JAGN1: variants seen among roughly 807,000 people sequenced by gnomAD.
JAGN1 encodes protein jagunal homolog 1.
Under a neutral mutation model 17.1 loss-of-function variants are expected in JAGN1, and 13 were observed. The observed-to-expected ratio is 0.76, with a 90% CI of 0.49 to 1.21. JAGN1 has a LOEUF of 1.21. Among genes scored for constraint, JAGN1 ranks in the 50% most tolerant of loss-of-function variants. The probability of loss-of-function intolerance (pLI) is 0.00; values close to 1 mark genes in which losing one functional copy is unlikely to be tolerated. For missense variants in JAGN1, 256 were observed against 234.2 expected (o/e 1.09, Z -0.61); for synonymous variants, 111 against 91.0 (o/e 1.22, Z -1.25).
rs79792102 is a variant in JAGN1, at chr3:9,893,650, C to T, written c.*273C>T. ...TTTTTCTTTAAGAATGAGCTTCGTC[C>T]TTGCCTCTACTCGGTCATTCTCCCC... On this transcript the variant is annotated 3_prime_UTR_variant, in exon 2 of 2. Transcript: ENST00000647897. 5 of 427,296 alleles carry T rather than the reference C, an allele frequency of 1.2e-5. No individual in the cohort carries two copies. The Admixed American group carries it at 1.7e-4, about 14-fold the overall frequency. 26.5% of individuals were successfully genotyped at this position (427,296 alleles called of 1,614,324 possible).
At chr3:9,892,116 A>C (rs2082566218) in intron 1 of JAGN1, among the ~76,000 whole-genome samples, 1 of 152,188 alleles carries the variant, frequency 6.6e-6, no homozygotes, top group Admixed American at 6.5e-5. Flanking sequence ...TCCCGGGTTC[A>C]CGCCATTCTC....
At chr3:9,892,875 A>G in intron 1 of JAGN1, 40 bp from the exon 2 acceptor site, 3 of 1,444,078 alleles carry the variant, frequency 2.1e-6, no homozygotes, top group Non-Finnish European at 2.9e-6. Flanking sequence ...GGTGGTAAGA[A>G]AAATTTGAAA....
In JAGN1 at chr3:9,890,634, GGGGGCGCAAATA is replaced by G; in HGVS notation, c.-85_-74del. ...TCTCTTCACGGAGCCGCGCGGCTGC[GGGGGCGCAAATA>G]GGGTCAGTGGGCCGCTTGGCGGTGT... On this transcript the variant is annotated 5_prime_UTR_variant, in exon 1 of 2. Coordinates refer to ENST00000647897, the MANE Select transcript of JAGN1 (RefSeq NM_032492.4). 8.0e-7 allele frequency: 1 copy of G among 1,247,622 alleles called. No homozygotes were observed. The highest frequency in any genetic ancestry group is 1.1e-6 in the Non-Finnish European group (1 of 892,036). 77.3% of individuals were successfully genotyped at this position (1,247,622 alleles called of 1,614,324 possible).
Position 9,890,802 on chromosome 3 carries a change from A to C in JAGN1, c.80A>C (p.Tyr27Ser). Residue 27 changes from tyrosine to serine, a missense_variant, in exon 1 of 2, where the codon TAC becomes TCC. Tyr to Ser is a moderately radical substitution (Grantham distance 144). Coordinates refer to ENST00000647897, the MANE Select transcript of JAGN1 (RefSeq NM_032492.4). Reference sequence around the variant, plus strand: ...CACCGGGAGCGCGTCGCCATGCACTACCAGATGAGGTATGAAGTGAGGCGA... The same window carrying C: ...CACCGGGAGCGCGTCGCCATGCACTCCCAGATGAGGTATGAAGTGAGGCGA... ...FQHRERVAMH[Y>S]QMSVTLKYEI... 1 of 1,606,148 alleles carries C rather than the reference A, an allele frequency of 6.2e-7. No individual in the cohort carries two copies.
intron 1 of JAGN1, among the ~76,000 whole-genome samples, chr3:9,892,459 G>GCCACCATA (rs1277808803): frequency 3.5e-4 from 5 of 14,402 alleles, no homozygotes; most frequent in African/African-American, 9.9e-4. Flanking sequence ...AGAGTTGTGA[G>GCCACCATA]CCCAGCCTCT....
chr3:9,891,545 GT>G (rs201714103), intron 1 of JAGN1, among the ~76,000 whole-genome samples: 125 of 146,936 alleles, frequency 8.5e-4, no homozygotes, highest in African/African-American at 2.1e-3. Flanking sequence ...AGAGATGACT[GT>G]TTTTTTTTTC....
rs2082579570 is a variant in JAGN1 at position 9,893,861 on chromosome 3, G to C, written c.*484G>C. On this transcript the variant is annotated 3_prime_UTR_variant, in exon 2 of 2. Coordinates refer to ENST00000647897, the MANE Select transcript of JAGN1 (RefSeq NM_032492.4). ...GATGGCCCTGCCCACACTGTGCCTTGTGTTTGGGGCTTGATAGAGTGTGAA... is the reference window on the plus strand; with the variant it reads ...GATGGCCCTGCCCACACTGTGCCTTCTGTTTGGGGCTTGATAGAGTGTGAA... 1 of 165,318 alleles carries C rather than the reference G, an allele frequency of 6.0e-6. No homozygotes were observed. Among genetic ancestry groups the C allele is most frequent in the Non-Finnish European group, 1.3e-5 (1 of 74,676 alleles). 10.2% of individuals were successfully genotyped at this position (165,318 alleles called of 1,614,324 possible).
chr3:9,890,989 C>G (rs982122438), intron 1 of JAGN1, among the ~76,000 whole-genome samples, 178 bp downstream of exon 1: 3 of 152,136 alleles, frequency 2.0e-5, no homozygotes, highest in Non-Finnish European at 4.4e-5. Context: ...AGCCCCGTGG[C>G]CCCCGCGAGC....
intron 1 of JAGN1, among the ~76,000 whole-genome samples, chr3:9,892,346 T>TG (rs1004998354): frequency 5.3e-5 from 8 of 150,594 alleles, no homozygotes; most frequent in East Asian, 1.9e-4. Flanking sequence ...TTGTTGTTGT[T>TG]TTTTTTTTTT....
Position 9,893,303 on chromosome 3 carries a change from G to A in JAGN1, c.478G>A (p.Ala160Thr). The change falls in exon 2 of 2, where the codon GCC becomes ACC. Residue 160 changes from alanine (A) to threonine (T), a missense_variant. Physicochemically the swap from Ala to Thr is moderately conservative, Grantham distance 58 (BLOSUM62 0). Transcript: ENST00000647897. Reference sequence around the variant, plus strand: ...GTTGGTGTTGGCAGTGCAAGTGCATGCCTGGCAGTTGTACTACAGCAAGAA... The same window carrying A: ...GTTGGTGTTGGCAGTGCAAGTGCATACCTGGCAGTTGTACTACAGCAAGAA... ...LVLVLAVQVH[A>T]WQLYYSKKLL... 2 of 1,614,222 alleles carry A rather than the reference G, an allele frequency of 1.2e-6. No homozygotes were observed. Among genetic ancestry groups the A allele is most frequent in the Non-Finnish European group, 1.7e-6 (2 of 1,180,040 alleles).
Position 9,890,628 on chromosome 3 carries a change from G to T in JAGN1, c.-95G>T, listed in dbSNP as rs2082554947. 3 of 1,173,834 alleles carry T rather than the reference G, an allele frequency of 2.6e-6. No homozygotes were observed. The highest frequency in any genetic ancestry group is 2.9e-5 in the South Asian group (2 of 69,284). 72.7% of individuals were successfully genotyped at this position (1,173,834 alleles called of 1,614,324 possible). On this transcript the variant is annotated 5_prime_UTR_variant, in exon 1 of 2. Coordinates refer to ENST00000647897, the MANE Select transcript of JAGN1 (RefSeq NM_032492.4). ...GGAAGTTCTCTTCACGGAGCCGCGC[G>T]GCTGCGGGGGCGCAAATAGGGTCAG... is the stretch of plus-strand genomic sequence containing the variant.
Position 9,890,613 on chromosome 3 carries a change from T to C in JAGN1, c.-110T>C, listed in dbSNP as rs1007818134. 8.7e-6 allele frequency: 9 copies of C among 1,032,818 alleles called. No homozygotes were observed. The highest frequency in any genetic ancestry group is 1.6e-5 in the African/African-American group (1 of 61,414). 64.0% of individuals were successfully genotyped at this position (1,032,818 alleles called of 1,614,324 possible). Reference sequence around the variant, plus strand: ...AGAGACAGAGGGGCCGGAAGTTCTCTTCACGGAGCCGCGCGGCTGCGGGGG... The same window carrying C: ...AGAGACAGAGGGGCCGGAAGTTCTCCTCACGGAGCCGCGCGGCTGCGGGGG... On this transcript the variant is annotated 5_prime_UTR_variant, in exon 1 of 2. Coordinates refer to ENST00000647897, the MANE Select transcript of JAGN1 (RefSeq NM_032492.4).
chr3:9,893,514 C>G lies in JAGN1; in HGVS notation c.*137C>G. The G allele has an allele frequency of 1.4e-6, 1 of 698,030 alleles. No individual in the cohort carries two copies. The highest frequency in any genetic ancestry group is 2.3e-6 in the Non-Finnish European group (1 of 432,392). The allele number at this position is 698,030 out of a possible 1,614,324, so 43.2% of individuals were successfully genotyped here. A position where few individuals can be genotyped will look rare whatever the true frequency, so the allele number is the denominator to read the frequency against. ...GACCAGGCCAAAGTTCTGGAAAGCT[C>G]CTTTTGCCATCTGCTGAGGTGGCAA... On this transcript the variant is annotated 3_prime_UTR_variant, in exon 2 of 2. Coordinates refer to ENST00000647897, the MANE Select transcript of JAGN1 (RefSeq NM_032492.4).
rs561297219 is a variant in JAGN1, at chr3:9,894,072, C to T, written c.*695C>T. ...TTAATCTCTCCATCTATGAAATAGTCCATTCTCATTTATCTACCTTAGGTT... is the reference window on the plus strand; with the variant it reads ...TTAATCTCTCCATCTATGAAATAGTTCATTCTCATTTATCTACCTTAGGTT... On this transcript the variant is annotated 3_prime_UTR_variant, in exon 2 of 2. Transcript: ENST00000647897. 4 of 152,338 alleles carry T rather than the reference C, an allele frequency of 2.6e-5. No individual in the cohort carries two copies. In the South Asian group the frequency reaches 8.3e-4, roughly 32 times the overall value. The allele number at this position is 152,338 out of a possible 1,614,324, so 9.4% of individuals were successfully genotyped here. A position where few individuals can be genotyped will look rare whatever the true frequency, so the allele number is the denominator to read the frequency against.
Sources: allele counts gnomAD v4.1 joint callset (sites outside exome capture counted in the v4.1 genomes callset), GRCh38; gene constraint gnomAD v4.1.1; transcripts MANE v1.5; gene names NCBI Gene and HGNC (gene_info 2026-07-23, HGNC 2026-07-21).